The following CDC14B variants were observed in gnomAD, a reference collection of about 807,000 sequenced individuals.
CDC14B encodes cell division cycle 14B.
A neutral mutation model predicts 64.2 loss-of-function variants in CDC14B; 22 were observed. The ratio of observed to expected loss-of-function variants is 0.34; its 90% confidence interval spans 0.24 to 0.49. CDC14B has a LOEUF of 0.49. Among genes scored for constraint, CDC14B ranks in the 20% least tolerant of loss-of-function variants. The pLI, the probability that CDC14B is intolerant of heterozygous loss-of-function variation, is 0.99. For missense variants in CDC14B, 498 were observed against 629.9 expected (o/e 0.79, Z 2.24); for synonymous variants, 191 against 215.8 (o/e 0.89, Z 1.01).
At chr9:96,532,748 C>T (rs1838683602) in intron 9 of CDC14B, among the ~76,000 whole-genome samples, 1 of 152,066 alleles carries the variant, frequency 6.6e-6, no homozygotes, top group Non-Finnish European at 1.5e-5. Context: ...CTTTTGAATC[C>T]CTCCAGTGAA....
At chr9:96,555,031 T>C (rs1404390765) in intron 4 of CDC14B, among the ~76,000 whole-genome samples, 1 of 152,138 alleles carries the variant, frequency 6.6e-6, no homozygotes, top group African/African-American at 2.4e-5. Context: ...CCACTCTAAT[T>C]CCACAGTGCT....
intron 9 of CDC14B, among the ~76,000 whole-genome samples, chr9:96,529,490 CTT>C (rs56239842): frequency 1.2e-4 from 16 of 131,076 alleles, no homozygotes; most frequent in African/African-American, 8.7e-5. Context: ...TGTACTAAGC[CTT>C]TTTTTTTTTT....
intron 3 of CDC14B, among the ~76,000 whole-genome samples, chr9:96,564,418 A>T (rs533266254): frequency 6.6e-6 from 1 of 152,310 alleles, no homozygotes; most frequent in African/African-American, 2.4e-5. Context: ...ATCAAAATGA[A>T]GGCAGAAAGA....
At chr9:96,604,670 G>A (rs866655536) in intron 1 of CDC14B, among the ~76,000 whole-genome samples, 7 of 151,002 alleles carry the variant, frequency 4.6e-5, no homozygotes, top group Middle Eastern at 7.0e-3. Context: ...TTTTTTTGCG[G>A]GGGGCGGGGC....
At chr9:96,574,643 C>T (rs1387892007) in intron 1 of CDC14B, among the ~76,000 whole-genome samples, 5 of 140,518 alleles carry the variant, frequency 3.6e-5, no homozygotes, top group African/African-American at 1.4e-4. Context: ...AGCTGGGAGC[C>T]GAGATTGCGC....
At chr9:96,571,332 C>T (rs1844460604) in intron 1 of CDC14B, among the ~76,000 whole-genome samples, 1 of 152,046 alleles carries the variant, frequency 6.6e-6, no homozygotes, top group Non-Finnish European at 1.5e-5. Flanking sequence ...TGTGCCACCA[C>T]ACCTGGCTAA....
chr9:96,570,281 T>C lies in CDC14B; in HGVS notation c.161-4798A>G, dbSNP rs112949737. Reference sequence around the variant, plus strand: ...TTTGGGGATAATTAACCATAAAACATAGAAATATGTAGGAGTCGGTGGGAA... The same window carrying C: ...TTTGGGGATAATTAACCATAAAACACAGAAATATGTAGGAGTCGGTGGGAA... On this transcript the variant is annotated intron_variant, in intron 1 of 13. Coordinates refer to ENST00000375241, the MANE Select transcript of CDC14B (RefSeq NM_033331.4). Among the ~76,000 whole-genome samples the C allele has an allele frequency of 7.5e-3, 1,147 of 152,230 alleles. 22 individuals are homozygous for C. The highest frequency in any genetic ancestry group is 0.026 in the African/African-American group (1,070 of 41,540).
In CDC14B at chr9:96,503,568, T is replaced by G. The variant is rs1564187052; in HGVS notation, c.*185A>C. Reference sequence around the variant, plus strand: ...AGAGCTGGACCCTTCTCTGAGTCATTTGCTTGCACCCAAACTCAAAGTTCA... The same window carrying G: ...AGAGCTGGACCCTTCTCTGAGTCATGTGCTTGCACCCAAACTCAAAGTTCA... On this transcript the variant is annotated 3_prime_UTR_variant, in exon 14 of 14. Transcript: ENST00000375241. The G allele has an allele frequency of 3.3e-6, 2 of 602,524 alleles. No homozygotes were observed. The highest frequency in any genetic ancestry group is 5.9e-6 in the Non-Finnish European group (2 of 340,928). 37.3% of individuals were successfully genotyped at this position (602,524 alleles called of 1,614,324 possible).
intron 7 of CDC14B, 174 bp downstream of exon 7, chr9:96,538,904 G>A: frequency 1.8e-6 from 1 of 564,050 alleles, no homozygotes; most frequent in South Asian, 2.0e-5. Context: ...TAAATTATGT[G>A]AGGTGATGAA....
intron 12 of CDC14B, 33 bp downstream of exon 12, chr9:96,522,473 A>C (rs776046999): frequency 3.0e-5 from 42 of 1,401,264 alleles, no homozygotes; most frequent in Non-Finnish European, 4.0e-5. Flanking sequence ...CATATGAAGA[A>C]ACATCAACCA....
intron 1 of CDC14B, among the ~76,000 whole-genome samples, chr9:96,608,601 T>G (rs928362274): frequency 2.0e-5 from 3 of 152,200 alleles, no homozygotes; most frequent in African/African-American, 7.2e-5. Flanking sequence ...TCCCGAAATA[T>G]TTAGCAATCT....
chr9:96,514,646 A>G (rs1835369738), intron 12 of CDC14B: 1 of 985,348 alleles, frequency 1.0e-6, no homozygotes, highest in South Asian at 4.7e-5. Flanking sequence ...GAACTTTTGC[A>G]TTCTTTCATA....
At chr9:96,569,673 G>A (rs564391173) in intron 1 of CDC14B, among the ~76,000 whole-genome samples, 25 of 152,182 alleles carry the variant, frequency 1.6e-4, no homozygotes, top group African/African-American at 6.0e-4. Flanking sequence ...TGCCCAGGCT[G>A]GAGTGCAGTG....
At chr9:96,587,812 G>A (rs895578608) in intron 1 of CDC14B, among the ~76,000 whole-genome samples, 5 of 152,162 alleles carry the variant, frequency 3.3e-5, no homozygotes, top group African/African-American at 1.2e-4. Flanking sequence ...CAACAAATAC[G>A]AAGGAGCACA....
intron 9 of CDC14B, among the ~76,000 whole-genome samples, chr9:96,525,887 G>GAAAC (rs1027932127): frequency 3.3e-5 from 5 of 152,176 alleles, no homozygotes; most frequent in African/African-American, 1.2e-4. Context: ...TTTTTGAAGT[G>GAAAC]AAGGGACATA....
intron 13 of CDC14B, 108 bp downstream of exon 13, chr9:96,509,565 G>A: frequency 1.3e-6 from 1 of 751,748 alleles, no homozygotes; most frequent in African/African-American, 1.8e-5. Flanking sequence ...CCATCACAGA[G>A]ACTCTACTTT....
chr9:96,551,967 T>C lies in CDC14B; in HGVS notation c.421-95A>G, dbSNP rs536564854. The C allele has an allele frequency of 1.1e-4, 153 of 1,456,684 alleles. 1 individual carries two copies. In the African/African-American group the frequency reaches 2.1e-3, roughly 20 times the overall value. 90.2% of individuals were successfully genotyped at this position (1,456,684 alleles called of 1,614,324 possible). The stretch of plus-strand genomic sequence containing the variant: ...AAATTTTGTCCAATTTCCAACCAAC[T>C]GAGCAGGGTTCTCCAGCCTTCCCCA... On this transcript the variant is annotated intron_variant, in intron 4 of 13. Transcript: ENST00000375241.
chr9:96,580,510 C>T (rs1845081923), intron 1 of CDC14B, among the ~76,000 whole-genome samples: 2 of 152,120 alleles, frequency 1.3e-5, no homozygotes, highest in South Asian at 4.1e-4. Context: ...GGATTACAGG[C>T]GCGAGCCACT....
chr9:96,595,604 G>A (rs1339839444), intron 1 of CDC14B, among the ~76,000 whole-genome samples: 4 of 152,250 alleles, frequency 2.6e-5, no homozygotes, highest in Non-Finnish European at 4.4e-5. Flanking sequence ...ATATGATACC[G>A]TCATACAATG....
Sources: gnomAD v4.1 joint callset for allele counts (sites outside exome capture counted in the v4.1 genomes callset) on GRCh38, gnomAD v4.1.1 for gene constraint, MANE v1.5 for transcripts, NCBI Gene and HGNC (gene_info 2026-07-23, HGNC 2026-07-21) for gene names.